Variants in SLC25A21 observed in about 807,000 individuals in gnomAD.
SLC25A21 encodes the protein solute carrier family 25 member 21.
Under a neutral mutation model 43.8 loss-of-function variants are expected in SLC25A21, and 47 were observed. The observed-to-expected ratio is 1.07, with a 90% CI of 0.85 to 1.37. The LOEUF (loss-of-function observed/expected upper bound fraction) is 1.37, where lower values mean the gene tolerates loss of function less well. SLC25A21 is among the 40% of genes most tolerant of loss of function. The pLI, the probability that SLC25A21 is intolerant of heterozygous loss-of-function variation, is 0.00. For synonymous variants in SLC25A21, 131 were observed against 121.3 expected (o/e 1.08, Z -0.52); for missense variants, 352 against 350.2 (o/e 1.00, Z -0.04).
At chr14:36,722,250 A>G (rs1884404001) in intron 6 of SLC25A21, among the ~76,000 whole-genome samples, 1 of 152,230 alleles carries the variant, frequency 6.6e-6, no homozygotes, top group East Asian at 1.9e-4. Context: ...GACAGTAAAA[A>G]GATCAGTGGT....
intron 7 of SLC25A21, among the ~76,000 whole-genome samples, chr14:36,692,862 T>G (rs946720927): frequency 6.6e-6 from 1 of 152,268 alleles, no homozygotes; most frequent in Non-Finnish European, 1.5e-5. Context: ...CACATTTTCT[T>G]TGATCTCTGC....
Position 36,680,208 on chromosome 14 carries a change from A to AAAC in SLC25A21, c.*447_*449dup, listed in dbSNP as rs1391927281. On this transcript the variant is annotated 3_prime_UTR_variant, in exon 10 of 10. Coordinates refer to ENST00000331299, the MANE Select transcript of SLC25A21 (RefSeq NM_030631.4). ...TATGGAATAATTTAATTCATTATAA[A>AAAC]AACTGCTTAAATTTTGGCTTAACTT... is the stretch of plus-strand genomic sequence containing the variant. The AAAC allele has an allele frequency of 3.4e-6, 3 of 873,330 alleles. No homozygotes were observed. In the African/African-American group the frequency reaches 5.5e-5, roughly 16 times the overall value. 54.1% of individuals were successfully genotyped at this position (873,330 alleles called of 1,614,324 possible).
At chr14:37,155,383 A>G (rs1262513181) in intron 1 of SLC25A21, among the ~76,000 whole-genome samples, 1 of 152,272 alleles carries the variant, frequency 6.6e-6, no homozygotes, top group Non-Finnish European at 1.5e-5. Flanking sequence ...ACAAAATAAA[A>G]TAAGTCTAGC....
intron 1 of SLC25A21, among the ~76,000 whole-genome samples, chr14:37,163,398 C>G (rs1313699725): frequency 6.6e-6 from 1 of 151,882 alleles, no homozygotes; most frequent in Non-Finnish European, 1.5e-5. Flanking sequence ...ATAAGGACTA[C>G]AGATAATAAT....
intron 1 of SLC25A21, among the ~76,000 whole-genome samples, chr14:36,889,562 C>T (rs1891021074): frequency 6.6e-6 from 1 of 152,154 alleles, no homozygotes; most frequent in African/African-American, 2.4e-5. Context: ...TCATAGCTCA[C>T]TGCAGCCTCA....
chr14:37,133,713 T>C (rs1480880643), intron 1 of SLC25A21, among the ~76,000 whole-genome samples: 1 of 152,050 alleles, frequency 6.6e-6, no homozygotes, highest in Non-Finnish European at 1.5e-5. Context: ...CTCCAGACCC[T>C]ACACATCAAT....
chr14:36,847,893 A>G (rs1003711138), intron 2 of SLC25A21, among the ~76,000 whole-genome samples: 1 of 150,008 alleles, frequency 6.7e-6, no homozygotes, highest in African/African-American at 2.4e-5. Flanking sequence ...TAATTTCAGG[A>G]AAGTAACTCT....
chr14:36,986,743 A>G (rs575034686), intron 1 of SLC25A21, among the ~76,000 whole-genome samples: 24 of 151,690 alleles, frequency 1.6e-4, no homozygotes, highest in African/African-American at 5.6e-4. Context: ...TGGGGTGTTC[A>G]TTTTTTTTAT....
intron 3 of SLC25A21, among the ~76,000 whole-genome samples, chr14:36,805,792 A>ATACT (rs1888017821): frequency 6.6e-6 from 1 of 152,200 alleles, no homozygotes; most frequent in African/African-American, 2.4e-5. Flanking sequence ...GAGATTACAT[A>ATACT]TACTTGATGA....
chr14:36,858,618 T>C (rs983838217), intron 2 of SLC25A21, among the ~76,000 whole-genome samples: 35 of 152,164 alleles, frequency 2.3e-4, no homozygotes, highest in Admixed American at 1.7e-3. Flanking sequence ...CTGGCTCATT[T>C]CCTGAGAGTT....
intron 1 of SLC25A21, among the ~76,000 whole-genome samples, chr14:37,143,618 GT>G (rs1841162414): frequency 1.0e-4 from 15 of 143,354 alleles, no homozygotes; most frequent in Admixed American, 9.9e-4. Context: ...GTGTGTGTGT[GT>G]CTGTAATTTG....
At chr14:36,871,315 A>G (rs964387726) in intron 2 of SLC25A21, among the ~76,000 whole-genome samples, 6 of 152,130 alleles carry the variant, frequency 3.9e-5, no homozygotes, top group African/African-American at 1.2e-4. Flanking sequence ...GAACCAGGAA[A>G]CAGGCCGTTA....
chr14:37,122,697 A>G (rs1963230511), intron 1 of SLC25A21, among the ~76,000 whole-genome samples: 1 of 152,222 alleles, frequency 6.6e-6, no homozygotes, highest in African/African-American at 2.4e-5. Flanking sequence ...AAAGAAATTT[A>G]ACTCCATTTG....
In SLC25A21 at chr14:36,807,378, C is replaced by T. The variant is rs1294042644; in HGVS notation, c.203+6540G>A. 2.0e-5 allele frequency among the ~76,000 whole-genome samples: 3 copies of T among 152,252 alleles called. No individual in the cohort carries two copies. In the East Asian group the frequency reaches 5.8e-4, roughly 29 times the overall value. Reference sequence around the variant, plus strand: ...GAGAGTTGAGAGGGGAGAGAAAAAGCAGCAGCAACTACTGGGCTTCATGAA... The same window carrying T: ...GAGAGTTGAGAGGGGAGAGAAAAAGTAGCAGCAACTACTGGGCTTCATGAA... On this transcript the variant is annotated intron_variant, in intron 3 of 9. Coordinates refer to ENST00000331299, the MANE Select transcript of SLC25A21 (RefSeq NM_030631.4).
intron 2 of SLC25A21, among the ~76,000 whole-genome samples, chr14:36,860,148 A>T (rs1243669841): frequency 6.7e-6 from 1 of 149,426 alleles, no homozygotes; most frequent in Admixed American, 6.7e-5. Flanking sequence ...AAAAAAAAAA[A>T]GAGAGACACA....
intron 2 of SLC25A21, among the ~76,000 whole-genome samples, chr14:36,816,628 G>A (rs1594614083): frequency 1.3e-5 from 2 of 150,936 alleles, no homozygotes; most frequent in Admixed American, 6.6e-5. Context: ...TCAGCCTCCC[G>A]AGCTGGGACT....
At chr14:36,819,895 A>C (rs1888571553) in intron 2 of SLC25A21, among the ~76,000 whole-genome samples, 1 of 152,180 alleles carries the variant, frequency 6.6e-6, no homozygotes. Flanking sequence ...GCACCAACCT[A>C]ATATAACTTA....
chr14:36,702,475 C>CAAAAAAAA (rs1213350246), intron 7 of SLC25A21, among the ~76,000 whole-genome samples: 39 of 65,620 alleles, frequency 5.9e-4, no homozygotes, highest in South Asian at 1.6e-3. Flanking sequence ...CCTGTCTCCA[C>CAAAAAAAA]AAAAAAAAAA....
At chr14:37,027,067 C>T (rs775603064) in intron 1 of SLC25A21, among the ~76,000 whole-genome samples, 18 of 152,124 alleles carry the variant, frequency 1.2e-4, no homozygotes, top group East Asian at 1.9e-4. Flanking sequence ...ATTGTCTCAC[C>T]TTATTTTCAT....
Sources: gnomAD v4.1 joint callset for allele counts (sites outside exome capture counted in the v4.1 genomes callset) on GRCh38, gnomAD v4.1.1 for gene constraint, MANE v1.5 for transcripts, NCBI Gene and HGNC (gene_info 2026-07-23, HGNC 2026-07-21) for gene names.